The following EXOC2 variants were observed in gnomAD, a reference collection of about 807,000 sequenced individuals.
EXOC2 encodes SEC5-like 1.
A neutral mutation model predicts 131.8 loss-of-function variants in EXOC2; 70 were observed. The observed-to-expected ratio is 0.53, with a 90% CI of 0.44 to 0.65. The LOEUF (loss-of-function observed/expected upper bound fraction) is 0.65. EXOC2 is among the 30% of genes least tolerant of loss of function. The pLI, the probability that EXOC2 is intolerant of heterozygous loss-of-function variation, is 0.00. For missense variants in EXOC2, 923 were observed against 1,108.6 expected, an observed-to-expected ratio of 0.83 and a Z score of 2.38; for synonymous variants, 411 against 398.4, an observed-to-expected ratio of 1.03 and a Z score of -0.38.
chr6:635,321 C>T (rs546825158), intron 2 of EXOC2, among the ~76,000 whole-genome samples: 3 of 152,286 alleles, frequency 2.0e-5, no homozygotes, highest in Admixed American at 6.5e-5. Context: ...TGGAGGTCCC[C>T]GTTGGCACAA....
rs777906459 is a variant in EXOC2, at chr6:489,041, G to GAAAC, written c.2622-7_2622-4dup. ...CCAAAGCCTGCTTAAAACTTGACCTGAAACACAAACAGCCACACTGAAGTT... is the reference window on the plus strand; with the variant it reads ...CCAAAGCCTGCTTAAAACTTGACCTGAAACAAACACAAACAGCCACACTGAAGTT... On this transcript the variant is annotated splice_region_variant and splice_polypyrimidine_tract_variant and intron_variant, in intron 26 of 27. Coordinates refer to ENST00000230449, the MANE Select transcript of EXOC2 (RefSeq NM_018303.6). The GAAAC allele has an allele frequency of 5.4e-4, 878 of 1,613,762 alleles. 1 individual carries two copies. The highest frequency in any genetic ancestry group is 6.9e-4 in the Non-Finnish European group (817 of 1,179,820).
intron 23 of EXOC2, among the ~76,000 whole-genome samples, chr6:508,796 G>C (rs1230336716): frequency 6.6e-6 from 1 of 152,202 alleles, no homozygotes; most frequent in African/African-American, 2.4e-5. Flanking sequence ...ATGCCAAGTG[G>C]TGCCAATCAT....
chr6:660,153 C>G (rs1294198442), intron 1 of EXOC2, among the ~76,000 whole-genome samples: 1 of 150,046 alleles, frequency 6.7e-6, no homozygotes, highest in Non-Finnish European at 1.5e-5. Flanking sequence ...CAGAACTCCA[C>G]CCCCATCCCC....
At chr6:541,928 T>C (rs775371798) in intron 22 of EXOC2, among the ~76,000 whole-genome samples, 21 of 152,256 alleles carry the variant, frequency 1.4e-4, no homozygotes, top group Non-Finnish European at 2.5e-4. Context: ...TATTCTTTAA[T>C]TCATGTTACA....
intron 23 of EXOC2, among the ~76,000 whole-genome samples, chr6:513,625 G>A (rs996184443): frequency 1.3e-5 from 2 of 152,138 alleles, no homozygotes; most frequent in Admixed American, 6.5e-5. Context: ...CCCTATTACT[G>A]TAATCATAGG....
intron 17 of EXOC2, among the ~76,000 whole-genome samples, chr6:562,123 C>G (rs1373249596): frequency 6.6e-6 from 1 of 152,214 alleles, no homozygotes; most frequent in African/African-American, 2.4e-5. Flanking sequence ...AGGATGGAGG[C>G]AGCCCTGGGC....
At chr6:596,910 C>A (rs1413574955) in intron 10 of EXOC2, among the ~76,000 whole-genome samples, 2 of 152,172 alleles carry the variant, frequency 1.3e-5, no homozygotes, top group Admixed American at 6.5e-5. Flanking sequence ...TATCTCCAAA[C>A]CCTGACATAA....
chr6:596,007 G>A (rs891387778), intron 10 of EXOC2, among the ~76,000 whole-genome samples: 14 of 152,092 alleles, frequency 9.2e-5, no homozygotes, highest in South Asian at 2.1e-4. Flanking sequence ...CAGGCGTCCC[G>A]TCCCCCGGGT....
At chr6:515,821 G>C (rs1385141104) in intron 23 of EXOC2, among the ~76,000 whole-genome samples, 3 of 152,334 alleles carry the variant, frequency 2.0e-5, no homozygotes, top group Admixed American at 1.3e-4. Flanking sequence ...GACGCACACA[G>C]CTGGTGGGTA....
chr6:544,627 T>G lies in EXOC2; in HGVS notation c.2238+4548A>C, dbSNP rs978280299. Among the ~76,000 whole-genome samples the G allele has an allele frequency of 4.1e-4, 62 of 152,354 alleles. 1 individual carries two copies. The Middle Eastern group carries it at 0.01, about 25-fold the overall frequency. The stretch of plus-strand genomic sequence containing the variant: ...ATACAGCAGTGAAGACACAAAACTG[T>G]ACTCACTCACATCTAGGTATTCAAA... On this transcript the variant is annotated intron_variant, in intron 22 of 27. Coordinates refer to ENST00000230449, the MANE Select transcript of EXOC2 (RefSeq NM_018303.6).
intron 17 of EXOC2, among the ~76,000 whole-genome samples, chr6:561,447 G>A (rs563845537): frequency 1.3e-5 from 2 of 152,270 alleles, no homozygotes; most frequent in African/African-American, 4.8e-5. Context: ...AGAAATTCAA[G>A]GGAATTTAAA....
chr6:539,080 A>C (rs1766644049), intron 22 of EXOC2, among the ~76,000 whole-genome samples: 1 of 152,148 alleles, frequency 6.6e-6, no homozygotes, highest in Non-Finnish European at 1.5e-5. Flanking sequence ...AAGAAAAAAA[A>C]AAAAAAGAAA....
At chr6:562,921 G>A in intron 16 of EXOC2, 76 bp from the exon 17 acceptor site, 1 of 1,060,858 alleles carries the variant, frequency 9.4e-7, no homozygotes, top group Non-Finnish European at 1.3e-6. Context: ...AATGTATACA[G>A]GTTATGGTTT....
At chr6:529,699 A>T (rs1318427311) in intron 23 of EXOC2, among the ~76,000 whole-genome samples, 1 of 152,218 alleles carries the variant, frequency 6.6e-6, no homozygotes, top group Non-Finnish European at 1.5e-5. Flanking sequence ...ACAGGAAAAG[A>T]TATGAACTTT....
chr6:580,278 G>C (rs1430903799), intron 11 of EXOC2, among the ~76,000 whole-genome samples: 2 of 152,130 alleles, frequency 1.3e-5, no homozygotes, highest in Non-Finnish European at 2.9e-5. Context: ...CTGACCTTGT[G>C]ATCTGCCTGC....
At chr6:636,816 A>C (rs1366474076) in intron 2 of EXOC2, among the ~76,000 whole-genome samples, 2 of 152,222 alleles carry the variant, frequency 1.3e-5, no homozygotes, top group Non-Finnish European at 2.9e-5. Flanking sequence ...AAGTAATCGT[A>C]ACTGGCCATA....
intron 17 of EXOC2, among the ~76,000 whole-genome samples, chr6:560,546 A>T (rs1053664481): frequency 6.6e-6 from 1 of 152,222 alleles, no homozygotes; most frequent in Non-Finnish European, 1.5e-5. Context: ...CAGGTAGTGC[A>T]TGTAAAACGT....
chr6:598,262 T>C, intron 9 of EXOC2, 139 bp from the exon 10 acceptor site: 1 of 628,186 alleles, frequency 1.6e-6, no homozygotes, highest in East Asian at 2.7e-5. Flanking sequence ...CAGAACACTA[T>C]CTCCGATGTA....
intron 6 of EXOC2, among the ~76,000 whole-genome samples, chr6:615,326 C>T (rs1760939955): frequency 6.6e-6 from 1 of 152,084 alleles, no homozygotes; most frequent in Non-Finnish European, 1.5e-5. Context: ...CACGAATGCA[C>T]TCCTGCCTGG....
Sources: gnomAD v4.1 joint callset for allele counts (sites outside exome capture counted in the v4.1 genomes callset) on GRCh38, gnomAD v4.1.1 for gene constraint, MANE v1.5 for transcripts, NCBI Gene and HGNC (gene_info 2026-07-23, HGNC 2026-07-21) for gene names.